The following HECW1 variants were observed in gnomAD, a reference collection of about 807,000 sequenced individuals.
The protein encoded by HECW1 is HECT, C2 and WW domain containing E3 ubiquitin protein ligase 1.
In HECW1, 61 loss-of-function variants were observed where a neutral mutation model predicts 182.3. The ratio of observed to expected loss-of-function variants is 0.33; its 90% CI spans 0.27 to 0.41. HECW1 has a LOEUF of 0.41. Ranked by LOEUF, HECW1 falls within the 10% of genes least tolerant of loss-of-function variation. The pLI, the probability that HECW1 is intolerant of heterozygous loss-of-function variation, is 1.00. For synonymous variants in HECW1, 859 were observed against 832.6 expected (o/e 1.03, Z -0.55); for missense variants, 1,739 against 2,108.9 (o/e 0.82, Z 3.44).
At chr7:43,488,870 C>T (rs904152243) in intron 17 of HECW1, among the ~76,000 whole-genome samples, 3 of 152,190 alleles carry the variant, frequency 2.0e-5, no homozygotes, top group Admixed American at 6.5e-5. Flanking sequence ...GTTATTTCCT[C>T]TATCACACTC....
At chr7:43,487,825 G>A (rs374839676) in intron 17 of HECW1, among the ~76,000 whole-genome samples, 1 of 152,034 alleles carries the variant, frequency 6.6e-6, no homozygotes, top group Non-Finnish European at 1.5e-5. Context: ...TGGGCACAGT[G>A]ATGTGTGCCT....
At chr7:43,214,393 AT>A (rs965283359) in intron 2 of HECW1, among the ~76,000 whole-genome samples, 1 of 152,238 alleles carries the variant, frequency 6.6e-6, no homozygotes, top group African/African-American at 2.4e-5. Flanking sequence ...AACTTAGGAA[AT>A]AATACATTCA....
intron 2 of HECW1, among the ~76,000 whole-genome samples, chr7:43,205,342 C>T (rs1324071114): frequency 1.3e-5 from 2 of 152,152 alleles, no homozygotes; most frequent in Non-Finnish European, 2.9e-5. Flanking sequence ...CTTGGCCTCC[C>T]AAACAAACAA....
At chr7:43,266,415 G>A (rs1054671741) in intron 3 of HECW1, among the ~76,000 whole-genome samples, 19 of 152,068 alleles carry the variant, frequency 1.2e-4, no homozygotes, top group African/African-American at 4.1e-4. Context: ...GGCTCACTGC[G>A]TCCTCCGCCT....
chr7:43,446,281 G>A (rs2077052778), intron 11 of HECW1, among the ~76,000 whole-genome samples: 1 of 152,118 alleles, frequency 6.6e-6, no homozygotes, highest in Non-Finnish European at 1.5e-5. Context: ...GTTTTAAAAC[G>A]TATTCTGTGT....
intron 26 of HECW1, among the ~76,000 whole-genome samples, chr7:43,547,436 A>G (rs2081606357): frequency 6.6e-6 from 1 of 151,922 alleles, no homozygotes; most frequent in South Asian, 2.1e-4. Flanking sequence ...AATCTCAGCT[A>G]CTCGGGAGGC....
intron 2 of HECW1, among the ~76,000 whole-genome samples, chr7:43,119,704 G>A (rs936933844): frequency 5.9e-5 from 9 of 151,798 alleles, no homozygotes; most frequent in Admixed American, 1.3e-4. Context: ...CTCCCTAAAC[G>A]TGCTTCTCTT....
chr7:43,233,875 A>G (rs1798081255), intron 2 of HECW1, among the ~76,000 whole-genome samples: 1 of 152,226 alleles, frequency 6.6e-6, no homozygotes, highest in Admixed American at 6.5e-5. Context: ...GCATAATAGA[A>G]GCTGTGATAG....
At chr7:43,503,484 G>C (rs1018702527) in intron 21 of HECW1, among the ~76,000 whole-genome samples, 1 of 152,148 alleles carries the variant, frequency 6.6e-6, no homozygotes, top group East Asian at 1.9e-4. Flanking sequence ...AAAAATAAGA[G>C]TAAATGAAGA....
intron 3 of HECW1, among the ~76,000 whole-genome samples, chr7:43,279,569 C>G (rs1483515407): frequency 2.0e-5 from 3 of 152,088 alleles, no homozygotes; most frequent in Non-Finnish European, 2.9e-5. Flanking sequence ...GTTGGGAATT[C>G]CCATCTTCAT....
intron 2 of HECW1, among the ~76,000 whole-genome samples, chr7:43,197,385 C>A (rs1456254105): frequency 3.9e-5 from 6 of 152,106 alleles, no homozygotes; most frequent in Admixed American, 3.9e-4. Context: ...GAGAAAGGCT[C>A]CGCTGCCCTA....
rs1201270322 is a variant in HECW1 at position 43,488,445 on chromosome 7, A to AAAGAAAGAAAG, written c.3235-3627_3235-3617dup. On this transcript the variant is annotated intron_variant, in intron 17 of 29. Transcript: ENST00000395891. ...GAGAAAGAAAGAAAGAGAAAGAAAG[A>AAAGAAAGAAAG]AAGAAAGAAAGAAAGAAAGAAAGAA... Among the ~76,000 whole-genome samples, 175 of 136,568 alleles carry AAAGAAAGAAAG rather than the reference A, an allele frequency of 1.3e-3. 3 individuals are homozygous for AAAGAAAGAAAG. Among genetic ancestry groups the AAAGAAAGAAAG allele is most frequent in the African/African-American group, 4.6e-3 (160 of 35,026 alleles). 89.6% of individuals were successfully genotyped at this position (136,568 alleles called of 152,430 possible).
At chr7:43,177,924 C>G (rs1376333512) in intron 2 of HECW1, among the ~76,000 whole-genome samples, 1 of 152,192 alleles carries the variant, frequency 6.6e-6, no homozygotes, top group Non-Finnish European at 1.5e-5. Flanking sequence ...TTATTTTCAT[C>G]TTTCTTTAGC....
chr7:43,160,740 G>A (rs1344528623), intron 2 of HECW1, among the ~76,000 whole-genome samples: 2 of 151,614 alleles, frequency 1.3e-5, no homozygotes. Context: ...CAATTATGAT[G>A]GCTTACAAAT....
At chr7:43,335,911 C>T (rs1016443534) in intron 5 of HECW1, among the ~76,000 whole-genome samples, 2 of 148,460 alleles carry the variant, frequency 1.3e-5, no homozygotes, top group African/African-American at 5.0e-5. Flanking sequence ...CTGTCTTTAT[C>T]TCTTTCTCTC....
At chr7:43,180,842 G>A (rs1198493600) in intron 2 of HECW1, among the ~76,000 whole-genome samples, 1 of 152,136 alleles carries the variant, frequency 6.6e-6, no homozygotes, top group African/African-American at 2.4e-5. Flanking sequence ...TTTCTTTGTA[G>A]CAAGAATATT....
At chr7:43,372,737 C>G (rs1244732702) in intron 6 of HECW1, among the ~76,000 whole-genome samples, 1 of 151,858 alleles carries the variant, frequency 6.6e-6, no homozygotes, top group Non-Finnish European at 1.5e-5. Flanking sequence ...CCTTTTCTCT[C>G]TTCTCATGAC....
intron 2 of HECW1, among the ~76,000 whole-genome samples, chr7:43,208,287 T>C (rs747015519): frequency 2.0e-5 from 3 of 152,246 alleles, no homozygotes; most frequent in Admixed American, 6.5e-5. Context: ...AGACATTTCA[T>C]TGTAGAATTC....
rs768478975 is a variant in HECW1 at position 43,466,510 on chromosome 7, C to T, written c.2855C>T (p.Ser952Phe). ...CAAAAAATCACCTTGCTGCTGCAGTCCCCAGCGGTCAAGTTCATCACCAAC... is the reference window on the plus strand; with the variant it reads ...CAAAAAATCACCTTGCTGCTGCAGTTCCCAGCGGTCAAGTTCATCACCAAC... ...NSQKITLLLQ[S>F]PAVKFITNPE... The change falls in exon 15 of 30, where the codon TCC becomes TTC. Residue 952 changes from serine (S) to phenylalanine (F), a missense_variant. By Grantham distance (155) the Ser-to-Phe change is radical. Around this residue, in one of 5 missense-constraint regions of HECW1, gnomAD observed 971 missense variants for 1,029.1 expected, o/e 0.94. Coordinates refer to ENST00000395891, the MANE Select transcript of HECW1 (RefSeq NM_015052.5). The T allele has an allele frequency of 1.2e-6, 2 of 1,613,744 alleles. No homozygotes were observed. The highest frequency in any genetic ancestry group is 2.2e-5 in the East Asian group (1 of 44,888).
Sources: allele counts gnomAD v4.1 joint callset (sites outside exome capture counted in the v4.1 genomes callset), GRCh38; gene constraint gnomAD v4.1.1; regional missense constraint gnomAD v4.1.1; transcripts MANE v1.5; gene names NCBI Gene and HGNC (gene_info 2026-07-23, HGNC 2026-07-21).